NTRK3: variants seen among roughly 807,000 people sequenced by gnomAD.
The protein encoded by NTRK3 is neurotrophic receptor tyrosine kinase 3.
Under a neutral mutation model 91.7 loss-of-function variants are expected in NTRK3, and 24 were observed. The ratio of observed to expected loss-of-function variants is 0.26; its 90% CI spans 0.19 to 0.37. NTRK3 has a LOEUF of 0.37. NTRK3 is among the 10% of genes least tolerant of loss of function. The pLI is 1.00. For synonymous variants in NTRK3, 483 were observed against 404.0 expected (o/e 1.20, Z -2.34); for missense variants, 880 against 1,068.9 (o/e 0.82, Z 2.46).
chr15:87,868,795 T>G, exon 19 of NTRK3: 1 of 223,976 alleles, frequency 4.5e-6, no homozygotes, highest in Non-Finnish European at 8.9e-6. Context: ...AACCAGTGCT[T>G]AGAAAACAGC....
intron 13 of NTRK3, among the ~76,000 whole-genome samples, chr15:88,090,898 T>C (rs2048953860): frequency 6.6e-6 from 1 of 152,176 alleles, no homozygotes; most frequent in Non-Finnish European, 1.5e-5. Context: ...GCAGCCCTCT[T>C]GCCTGCGCCT....
intron 10 of NTRK3, among the ~76,000 whole-genome samples, chr15:88,133,591 G>T (rs1439659382): frequency 2.6e-5 from 4 of 152,160 alleles, no homozygotes; most frequent in Admixed American, 6.5e-5. Flanking sequence ...CAGGCCACAG[G>T]CAGGGCAACG....
intron 3 of NTRK3, among the ~76,000 whole-genome samples, chr15:88,250,473 C>A (rs2053237623): frequency 6.6e-6 from 1 of 152,204 alleles, no homozygotes. Flanking sequence ...GAATTTGCTA[C>A]ACAAGGATAA....
intron 3 of NTRK3, among the ~76,000 whole-genome samples, chr15:88,205,415 G>A (rs147958777): frequency 2.0e-5 from 3 of 152,222 alleles, no homozygotes; most frequent in African/African-American, 7.2e-5. Flanking sequence ...ATCTCCCCAA[G>A]GTCCCACAGA....
At chr15:87,957,147 TCA>T (rs1270865101) in intron 14 of NTRK3, among the ~76,000 whole-genome samples, 1 of 150,550 alleles carries the variant, frequency 6.6e-6, no homozygotes, top group African/African-American at 2.5e-5. Context: ...TTTCTGGTCC[TCA>T]GTTTCCTTAG....
chr15:87,994,496 T>G (rs993921040), intron 14 of NTRK3, among the ~76,000 whole-genome samples: 2 of 152,110 alleles, frequency 1.3e-5, no homozygotes, highest in Non-Finnish European at 2.9e-5. Context: ...GCCAGCAAAC[T>G]ACCAAAGCTA....
intron 3 of NTRK3, among the ~76,000 whole-genome samples, chr15:88,224,246 A>G (rs1055944309): frequency 5.9e-5 from 9 of 152,212 alleles, no homozygotes; most frequent in African/African-American, 2.2e-4. Context: ...CCAGCCCTGC[A>G]CCAGGCACCA....
At chr15:88,041,436 C>T (rs1323626082) in intron 13 of NTRK3, among the ~76,000 whole-genome samples, 1 of 152,138 alleles carries the variant, frequency 6.6e-6, no homozygotes, top group Admixed American at 6.5e-5. Flanking sequence ...TTTTGTGGAC[C>T]ACCTTGAAGT....
chr15:88,181,633 T>C (rs879495263), intron 5 of NTRK3, among the ~76,000 whole-genome samples: 5 of 152,224 alleles, frequency 3.3e-5, no homozygotes, highest in Non-Finnish European at 7.3e-5. Flanking sequence ...AAGCTGGCAC[T>C]CTGTGTGCCA....
chr15:87,889,396 CTTTT>C (rs568030482), intron 17 of NTRK3, among the ~76,000 whole-genome samples: 1 of 95,630 alleles, frequency 1.0e-5, no homozygotes, highest in Admixed American at 1.3e-4. Context: ...TTATTAGTTC[CTTTT>C]TTTTTTTTTT....
chr15:88,204,990 T>G (rs1418149428), intron 3 of NTRK3, among the ~76,000 whole-genome samples: 1 of 152,174 alleles, frequency 6.6e-6, no homozygotes, highest in African/African-American at 2.4e-5. Flanking sequence ...TTTCTGAGAT[T>G]CTTGTTACAG....
At chr15:88,064,920 G>T (rs368294568) in intron 13 of NTRK3, among the ~76,000 whole-genome samples, 10 of 152,196 alleles carry the variant, frequency 6.6e-5, no homozygotes, top group Admixed American at 5.9e-4. Flanking sequence ...AATACTTTCA[G>T]ACTGAGGGCT....
intron 17 of NTRK3, among the ~76,000 whole-genome samples, chr15:87,912,036 C>T (rs1050769618): frequency 2.0e-5 from 3 of 152,202 alleles, no homozygotes; most frequent in Admixed American, 6.5e-5. Context: ...ACCTCCCTTG[C>T]TTCTAATATT....
At chr15:88,180,211 C>T (rs2046337129) in intron 5 of NTRK3, among the ~76,000 whole-genome samples, 1 of 152,208 alleles carries the variant, frequency 6.6e-6, no homozygotes, top group African/African-American at 2.4e-5. Flanking sequence ...GATTGGCATA[C>T]AGCTATTGCA....
At chr15:88,183,553 G>A (rs1191451139) in intron 4 of NTRK3, 64 bp from the exon 5 acceptor site, 1 of 1,479,186 alleles carries the variant, frequency 6.8e-7, no homozygotes, top group African/African-American at 1.4e-5. Flanking sequence ...GCTCTGGGCT[G>A]AGGCTGGCAG....
intron 13 of NTRK3, among the ~76,000 whole-genome samples, chr15:88,108,249 A>C (rs370784256): frequency 6.6e-6 from 1 of 152,154 alleles, no homozygotes; most frequent in Non-Finnish European, 1.5e-5. Flanking sequence ...AACATCCCCA[A>C]ATACACTCCT....
At position 88,038,382 on chromosome 15, in the gene NTRK3, C is replaced by T. The variant is rs548489788; in HGVS notation, c.1397-5337G>A. Among the ~76,000 whole-genome samples the T allele has an allele frequency of 7.4e-4, 113 of 152,316 alleles. 1 individual carries two copies. The highest frequency in any genetic ancestry group is 2.6e-3 in the African/African-American group (108 of 41,576). On this transcript the variant is annotated intron_variant, in intron 13 of 18. Transcript: ENST00000394480. ...GAAAACCCAATAAAAAGCACATAGGCCCATCACTTCAAAGGATGTAAGAGG... is the reference window on the plus strand; with the variant it reads ...GAAAACCCAATAAAAAGCACATAGGTCCATCACTTCAAAGGATGTAAGAGG...
intron 17 of NTRK3, among the ~76,000 whole-genome samples, chr15:87,919,112 C>G (rs1189294751): frequency 1.0e-5 from 1 of 99,938 alleles, no homozygotes; most frequent in Non-Finnish European, 1.9e-5. Flanking sequence ...AGATGAAAAG[C>G]CTCACACAGT....
chr15:87,949,930 C>A (rs1341599748), intron 14 of NTRK3, among the ~76,000 whole-genome samples: 1 of 152,148 alleles, frequency 6.6e-6, no homozygotes, highest in African/African-American at 2.4e-5. Flanking sequence ...TTGCTGGGCC[C>A]CCTCCTTCCT....
Sources: allele counts gnomAD v4.1 joint callset (sites outside exome capture counted in the v4.1 genomes callset), GRCh38; gene constraint gnomAD v4.1.1; transcripts MANE v1.5; gene names NCBI Gene and HGNC (gene_info 2026-07-23, HGNC 2026-07-21).